The following BCCIP variants were observed in gnomAD, a reference collection of about 807,000 sequenced individuals.
The protein encoded by BCCIP is BRCA2 and CDKN1A interacting protein.
A neutral mutation model predicts 32.8 loss-of-function variants in BCCIP; 23 were observed. The ratio of observed to expected loss-of-function variants is 0.70; its 90% CI spans 0.51 to 0.99. The LOEUF (loss-of-function observed/expected upper bound fraction) is 0.99. Among genes scored for constraint, BCCIP ranks in the 50% least tolerant of loss-of-function variants. BCCIP has a pLI of 0.00. For synonymous variants in BCCIP, 144 were observed against 137.6 expected (o/e 1.05, Z -0.33); for missense variants, 378 against 379.8 (o/e 1.00, Z 0.04).
At chr10:125,835,144 A>C (rs1327985309) in intron 6 of BCCIP, among the ~76,000 whole-genome samples, 1 of 151,080 alleles carries the variant, frequency 6.6e-6, no homozygotes, top group Non-Finnish European at 1.5e-5. Context: ...GAAAAAAAAA[A>C]ATCTTGAAGT....
chr10:125,832,102 T>C (rs1389469262), intron 5 of BCCIP, among the ~76,000 whole-genome samples: 1 of 152,232 alleles, frequency 6.6e-6, no homozygotes, highest in Non-Finnish European at 1.5e-5. Context: ...AATGTAGCTG[T>C]GAAATCTAGC....
chr10:125,841,798 C>T (rs574953919), exon 7 of BCCIP: 36 of 1,613,380 alleles, frequency 2.2e-5, no homozygotes, highest in Admixed American at 3.3e-5. Flanking sequence ...ATTCACAGGA[C>T]GCTAAGATAG....
Position 125,830,566 on chromosome 10 carries a change from C to A in BCCIP, c.326C>A (p.Thr109Lys). The A allele has an allele frequency of 1.9e-6, 3 of 1,583,452 alleles. No individual in the cohort carries two copies. The highest frequency in any genetic ancestry group is 2.6e-6 in the Non-Finnish European group (3 of 1,163,488). ...ATATTTTTTCTTTTAAAATAGCAAA[C>A]GGATGTTTCAGAAGACAGCAATGAT... Reference protein sequence around the residue: ...QNHIGSVIKQTDVSEDSNDDM... With the variant: ...QNHIGSVIKQKDVSEDSNDDM... Residue 109 changes from threonine to lysine, a missense_variant, in exon 4 of 7, where the codon ACG (threonine) becomes AAG (lysine). Coordinates refer to ENST00000278100, the MANE Select transcript of BCCIP (RefSeq NM_078468.3).
intron 1 of BCCIP, among the ~76,000 whole-genome samples, chr10:125,824,678 A>G (rs1046920786): frequency 3.2e-4 from 45 of 139,204 alleles, no homozygotes; most frequent in African/African-American, 1.2e-3. Context: ...AACAGCTTTT[A>G]ACCGGCGTTC....
intron 6 of BCCIP, among the ~76,000 whole-genome samples, chr10:125,835,320 C>T (rs1854641201): frequency 6.6e-6 from 1 of 152,070 alleles, no homozygotes; most frequent in African/African-American, 2.4e-5. Context: ...GTGGCTCATG[C>T]CTGTAATCCC....
chr10:125,831,985 T>C (rs1040928877), intron 5 of BCCIP, among the ~76,000 whole-genome samples: 1 of 152,228 alleles, frequency 6.6e-6, no homozygotes, highest in African/African-American at 2.4e-5. Context: ...TCTATTGGTA[T>C]GTTTCATAAC....
At chr10:125,838,405 A>G (rs1343083696), downstream of BCCIP, 1 of 1,547,696 alleles carries the variant, frequency 6.5e-7, no homozygotes, top group East Asian at 2.3e-5. Context: ...GCAGAATTTT[A>G]AAGAAAAAAG....
At chr10:125,837,323 A>G (rs1854722483), downstream of BCCIP, among the ~76,000 whole-genome samples, 1 of 152,232 alleles carries the variant, frequency 6.6e-6, no homozygotes. Flanking sequence ...TAGTAGTGGA[A>G]CCTTCAAAAT....
At chr10:125,840,355 A>G (rs1486433266), downstream of BCCIP, among the ~76,000 whole-genome samples, 1 of 152,104 alleles carries the variant, frequency 6.6e-6, no homozygotes, top group Non-Finnish European at 1.5e-5. Flanking sequence ...CTCCTCTATC[A>G]AGCTCCGTCA....
chr10:125,847,710 T>C (rs554024315), downstream of BCCIP, among the ~76,000 whole-genome samples: 1 of 152,300 alleles, frequency 6.6e-6, no homozygotes, highest in South Asian at 2.1e-4. Flanking sequence ...CTCATCATAG[T>C]GTAGAATCAG....
At chr10:125,833,605 C>T (rs1024640192) in intron 5 of BCCIP, among the ~76,000 whole-genome samples, 167 bp from the exon 6 acceptor site, 1 of 152,206 alleles carries the variant, frequency 6.6e-6, no homozygotes, top group African/African-American at 2.4e-5. Context: ...TAAAATGCAA[C>T]TGATTATGTA....
downstream of BCCIP, chr10:125,839,157 G>A (rs775767179): frequency 2.5e-6 from 4 of 1,614,230 alleles, 1 homozygote; most frequent in South Asian, 2.2e-5. Context: ...AACAGTTGAG[G>A]AAGTAATCAC....
chr10:125,838,338 T>C (rs140975050), downstream of BCCIP: 1 of 1,613,022 alleles, frequency 6.2e-7, no homozygotes, highest in Non-Finnish European at 8.5e-7. Context: ...AGCAACCTGC[T>C]TATGTGTCAG....
rs754066031 is a variant in BCCIP, at chr10:125,834,813, A to AAAAC, written c.774+883_774+886dup. 4.2e-3 allele frequency among the ~76,000 whole-genome samples: 190 copies of AAAAC among 45,710 alleles called. 1 individual carries two copies. The highest frequency in any genetic ancestry group is 6.2e-3 in the Non-Finnish European group (125 of 20,156). The allele number at this position is 45,710 out of a possible 152,430, so 30.0% of individuals were successfully genotyped here. On this transcript the variant is annotated intron_variant, in intron 6 of 6. Transcript: ENST00000278100. ...GCAACAAGGAAGAAACTCCGTCTCA[A>AAAAC]AAACAAACAAACAAACAAAAAACAC...
chr10:125,842,190 A>G lies in BCCIP; in HGVS notation c.*831A>G, dbSNP rs1854901270. 3 of 418,524 alleles carry G rather than the reference A, an allele frequency of 7.2e-6. No homozygotes were observed. In the South Asian group the frequency reaches 1.1e-4, roughly 16 times the overall value. 25.9% of individuals were successfully genotyped at this position (418,524 alleles called of 1,614,324 possible). On this transcript the variant is annotated 3_prime_UTR_variant, in exon 7 of 7. Transcript: ENST00000299130. ...TGCAGTGTGCATGCGGGGGGAACCC[A>G]GGTGGAGCCTGCCAGCCTCCCTGCA...
intron 3 of BCCIP, among the ~76,000 whole-genome samples, chr10:125,829,800 A>G (rs1361660581): frequency 6.6e-6 from 1 of 152,236 alleles, no homozygotes; most frequent in Non-Finnish European, 1.5e-5. Context: ...AGTTATTTTT[A>G]TCCTTGAAAG....
chr10:125,847,854 T>A (rs1303408652), intron 7 of BCCIP, among the ~76,000 whole-genome samples: 1 of 151,952 alleles, frequency 6.6e-6, no homozygotes, highest in African/African-American at 2.4e-5. Flanking sequence ...CAGTTCATAA[T>A]AGGGTTCGAG....
At chr10:125,844,233 A>G (rs1233035489), downstream of BCCIP, among the ~76,000 whole-genome samples, 1 of 152,252 alleles carries the variant, frequency 6.6e-6, no homozygotes, top group African/African-American at 2.4e-5. Flanking sequence ...AGAAATAAGC[A>G]TCTTAAACAG....
chr10:125,836,049 G>A (rs1564820582), intron 6 of BCCIP, 55 bp from the exon 7 acceptor site: 47 of 1,464,646 alleles, frequency 3.2e-5, no homozygotes, highest in Non-Finnish European at 4.3e-5. Context: ...AGATCAAATG[G>A]GTTTTGTCTT....
Sources: gnomAD v4.1 joint callset for allele counts (sites outside exome capture counted in the v4.1 genomes callset) on GRCh38, gnomAD v4.1.1 for gene constraint, MANE v1.5 for transcripts, NCBI Gene and HGNC (gene_info 2026-07-23, HGNC 2026-07-21) for gene names.